EP300: variants seen among roughly 807,000 people sequenced by gnomAD.
EP300 encodes the protein EP300 lysine acetyltransferase.
Under a neutral mutation model 264.0 loss-of-function variants are expected in EP300, and 31 were observed. The ratio of observed to expected loss-of-function variants is 0.12; its 90% CI spans 0.09 to 0.16. The LOEUF is 0.16. Among genes scored for constraint, EP300 ranks in the 10% least tolerant of loss-of-function variants. The pLI is 1.00. For missense variants in EP300, 2,766 were observed against 3,052.9 expected (o/e 0.91, Z 2.21); for synonymous variants, 1,340 against 1,045.4 (o/e 1.28, Z -5.44).
chr22:41,127,929 T>TA (rs1319924378), intron 4 of EP300, among the ~76,000 whole-genome samples, 181 bp downstream of exon 4: 2 of 152,226 alleles, frequency 1.3e-5, no homozygotes, highest in East Asian at 3.8e-4. Context: ...GTCTCACACT[T>TA]ACAATCCCAG....
intron 1 of EP300, among the ~76,000 whole-genome samples, chr22:41,094,047 G>C (rs2058689041): frequency 6.6e-6 from 1 of 152,228 alleles, no homozygotes; most frequent in South Asian, 2.1e-4. Flanking sequence ...AGTTCATTCA[G>C]TTGTGGACTA....
At chr22:41,138,526 G>A (rs748446234) in intron 8 of EP300, among the ~76,000 whole-genome samples, 6 of 152,142 alleles carry the variant, frequency 3.9e-5, no homozygotes, top group Non-Finnish European at 5.9e-5. Context: ...TCGTCCTCCA[G>A]ATGTGCACAT....
intron 28 of EP300, among the ~76,000 whole-genome samples, chr22:41,173,120 T>C (rs9611510): frequency 0.25 from 38,314 of 152,144 alleles, 5,764 homozygotes; most frequent in Admixed American, 0.45. Context: ...TCACCAGTTA[T>C]TTCCCCATAG....
intron 3 of EP300, 81 bp from the exon 4 acceptor site, chr22:41,127,406 A>G: frequency 1.9e-6 from 3 of 1,579,510 alleles, no homozygotes; most frequent in African/African-American, 1.3e-5. Context: ...AAAGGTTTTC[A>G]TTGAAAATAT....
At chr22:41,144,806 G>A (rs1221854533) in intron 10 of EP300, among the ~76,000 whole-genome samples, 6 of 152,112 alleles carry the variant, frequency 3.9e-5, no homozygotes, top group Non-Finnish European at 8.8e-5. Context: ...TAGGATTGCG[G>A]TTTTATTTTT....
intron 1 of EP300, among the ~76,000 whole-genome samples, chr22:41,097,647 G>GA (rs1234227375): frequency 6.6e-6 from 1 of 152,132 alleles, no homozygotes; most frequent in Non-Finnish European, 1.5e-5. Flanking sequence ...GCAATTAATG[G>GA]AAAAGTAAAA....
intron 19 of EP300, 153 bp from the exon 20 acceptor site, chr22:41,160,489 T>A (rs940922271): frequency 1.5e-6 from 1 of 676,242 alleles, no homozygotes; most frequent in African/African-American, 1.8e-5. Flanking sequence ...GGCCCATATA[T>A]CTGCATCATT....
chr22:41,114,205 A>G (rs2058809298), intron 1 of EP300, among the ~76,000 whole-genome samples: 1 of 151,930 alleles, frequency 6.6e-6, no homozygotes, highest in Non-Finnish European at 1.5e-5. Context: ...TGTTTGAGAT[A>G]GGATCTCGCT....
At chr22:41,114,598 A>T (rs1036378041) in intron 1 of EP300, among the ~76,000 whole-genome samples, 1 of 152,222 alleles carries the variant, frequency 6.6e-6, no homozygotes, top group East Asian at 1.9e-4. Flanking sequence ...CTTAGTTCAT[A>T]TATGACCACA....
intron 22 of EP300, among the ~76,000 whole-genome samples, chr22:41,165,114 TAGTGGATACTTTATTTTC>T (rs1370189237): frequency 7.9e-5 from 12 of 152,360 alleles, no homozygotes; most frequent in African/African-American, 2.9e-4. Context: ...GGTGATGGTT[TAGTGGATACTTTATTTTC>T]AGTGTGACTT....
At chr22:41,163,450 A>C (rs1476819063) in intron 21 of EP300, among the ~76,000 whole-genome samples, 1 of 136,766 alleles carries the variant, frequency 7.3e-6, no homozygotes, top group Non-Finnish European at 1.6e-5. Flanking sequence ...AAAAAAAAAA[A>C]AAAAATTAGC....
In EP300 at chr22:41,098,425, G is replaced by A. The variant is rs532305756; in HGVS notation, c.94+5327G>A. Among the ~76,000 whole-genome samples the A allele has an allele frequency of 2.1e-3, 325 of 152,296 alleles. 17 individuals carry two copies. The South Asian group carries it at 0.066, about 31-fold the overall frequency. On this transcript the variant is annotated intron_variant, in intron 1 of 30. Transcript: ENST00000263253. ...CTCGCTCTGTCGCCCAGGCTGGAGT[G>A]CAGTGGCGCGATCTCGGGTCACTGC...
chr22:41,153,511 G>A (rs763406261), intron 16 of EP300, among the ~76,000 whole-genome samples: 63 of 152,138 alleles, frequency 4.1e-4, no homozygotes, highest in Non-Finnish European at 8.7e-4. Flanking sequence ...ACCGCTTTGG[G>A]AGGCCGAGCG....
intron 2 of EP300, among the ~76,000 whole-genome samples, chr22:41,122,152 T>C (rs995820022): frequency 7.2e-6 from 1 of 138,068 alleles, no homozygotes; most frequent in Non-Finnish European, 1.6e-5. Flanking sequence ...TTCTTTCTTC[T>C]TCTTCTTTTT....
intron 28 of EP300, among the ~76,000 whole-genome samples, 191 bp downstream of exon 28, chr22:41,172,854 G>A (rs912449667): frequency 1.3e-5 from 2 of 152,140 alleles, no homozygotes; most frequent in South Asian, 4.1e-4. Flanking sequence ...AAGCATCAGA[G>A]CCCCTTTTAA....
intron 12 of EP300, 93 bp downstream of exon 12, chr22:41,148,039 A>T: frequency 1.1e-6 from 1 of 910,424 alleles, no homozygotes; most frequent in Non-Finnish European, 1.7e-6. Context: ...ACAGTCATTT[A>T]AACAGACCAT....
chr22:41,156,376 T>TA (rs1396814603), intron 17 of EP300, among the ~76,000 whole-genome samples: 25 of 152,292 alleles, frequency 1.6e-4, no homozygotes, highest in Non-Finnish European at 2.4e-4. Flanking sequence ...GCTTTGTTTT[T>TA]AAAGTTGCCT....
intron 29 of EP300, chr22:41,176,000 A>C: frequency 1.9e-6 from 1 of 528,932 alleles, no homozygotes; most frequent in Non-Finnish European, 3.4e-6. Context: ...CAGGCAGATC[A>C]CTTGAGCTTA....
chr22:41,110,282 A>ATTTTTTTTTTTTTTT (rs71200660), intron 1 of EP300, among the ~76,000 whole-genome samples: 2 of 48,222 alleles, frequency 4.1e-5, no homozygotes, highest in Admixed American at 7.1e-4. Context: ...TATCCAGCTA[A>ATTTTTTTTTTTTTTT]TTTTTTTTTT....
Sources: gnomAD v4.1 joint callset for allele counts (sites outside exome capture counted in the v4.1 genomes callset) on GRCh38, gnomAD v4.1.1 for gene constraint, MANE v1.5 for transcripts, NCBI Gene and HGNC (gene_info 2026-07-23, HGNC 2026-07-21) for gene names.